The following AOPEP variants were observed in gnomAD, a reference collection of about 807,000 sequenced individuals.
The protein encoded by AOPEP is aminopeptidase O.
A neutral mutation model predicts 98.1 loss-of-function variants in AOPEP; 77 were observed. The ratio of observed to expected loss-of-function variants is 0.78; its 90% CI spans 0.65 to 0.95. AOPEP has a LOEUF of 0.95. Among genes scored for constraint, AOPEP ranks in the 40% least tolerant of loss-of-function variants. The pLI is 0.00. For synonymous variants in AOPEP, 346 were observed against 365.3 expected (o/e 0.95, Z 0.60); for missense variants, 1,024 against 1,024.7 (o/e 1.00, Z 0.01).
At chr9:94,842,455 T>G (rs994976288) in intron 5 of AOPEP, among the ~76,000 whole-genome samples, 1 of 152,212 alleles carries the variant, frequency 6.6e-6, no homozygotes, top group Non-Finnish European at 1.5e-5. Context: ...GATGGAGTTG[T>G]CTATCCAAGG....
chr9:94,748,904 A>G (rs1835091840), intron 1 of AOPEP, among the ~76,000 whole-genome samples: 1 of 152,190 alleles, frequency 6.6e-6, no homozygotes, highest in Non-Finnish European at 1.5e-5. Flanking sequence ...GTGATATTAA[A>G]CTTGATTAAA....
chr9:95,115,004 G>C, the AOPEP span, among the ~76,000 whole-genome samples: 8 of 152,146 alleles, frequency 5.3e-5, no homozygotes, highest in African/African-American at 1.9e-4. Context: ...GCAGTGGTAC[G>C]ATCCTGGTTC....
chr9:94,885,050 A>G (rs1019605437), intron 5 of AOPEP, among the ~76,000 whole-genome samples: 1 of 144,368 alleles, frequency 6.9e-6, no homozygotes, highest in African/African-American at 2.6e-5. Flanking sequence ...GCAAAGTGCT[A>G]TATTAACATT....
chr9:94,811,171 C>T (rs535768290), intron 5 of AOPEP, among the ~76,000 whole-genome samples: 7 of 152,306 alleles, frequency 4.6e-5, no homozygotes, highest in South Asian at 2.1e-4. Flanking sequence ...GAACTCAGAG[C>T]GGGGGAATGG....
intron 10 of AOPEP, among the ~76,000 whole-genome samples, chr9:94,969,751 A>G (rs1267208114): frequency 6.6e-6 from 1 of 152,208 alleles, no homozygotes; most frequent in Non-Finnish European, 1.5e-5. Context: ...CATTAAACGG[A>G]GGCATCTTGA....
intron 5 of AOPEP, among the ~76,000 whole-genome samples, chr9:94,858,409 A>C: frequency 6.6e-6 from 1 of 152,230 alleles, no homozygotes; most frequent in Non-Finnish European, 1.5e-5. Context: ...ATTCTGTCAC[A>C]GTTCTGGAGA....
intron 14 of AOPEP, among the ~76,000 whole-genome samples, chr9:95,073,455 AAAAG>A (rs1005140610): frequency 1.1e-4 from 17 of 149,426 alleles, no homozygotes; most frequent in African/African-American, 4.1e-4. Flanking sequence ...GCATTTTAAA[AAAAG>A]AAAGAAGAGG....
intron 5 of AOPEP, among the ~76,000 whole-genome samples, chr9:94,880,341 T>C (rs761955120): frequency 1.3e-4 from 20 of 151,958 alleles, no homozygotes; most frequent in Non-Finnish European, 1.8e-4. Context: ...ATTTGTCTTT[T>C]TTTTTCTTTT....
At chr9:94,781,547 GTT>G (rs10712686) in intron 3 of AOPEP, among the ~76,000 whole-genome samples, 7,011 of 142,778 alleles carry the variant, frequency 0.049, 505 homozygotes, top group African/African-American at 0.17. Flanking sequence ...TTTTTGTTTA[GTT>G]TTTTTTTTTT....
intron 5 of AOPEP, among the ~76,000 whole-genome samples, chr9:94,905,329 T>G (rs1481698045): frequency 6.6e-6 from 1 of 152,202 alleles, no homozygotes; most frequent in East Asian, 1.9e-4. Flanking sequence ...ATTGGCTTCT[T>G]TATGCTCCAC....
At chr9:94,990,669 G>A (rs952849057) in intron 11 of AOPEP, among the ~76,000 whole-genome samples, 2 of 151,970 alleles carry the variant, frequency 1.3e-5, no homozygotes, top group African/African-American at 4.8e-5. Context: ...CTGTCGCCCA[G>A]GCTGGAGTGC....
the AOPEP span, among the ~76,000 whole-genome samples, chr9:95,112,838 C>T: frequency 6.6e-6 from 1 of 152,230 alleles, no homozygotes; most frequent in Non-Finnish European, 1.5e-5. Flanking sequence ...AAGTGGGAGC[C>T]CCACGAGGTC....
chr9:94,928,135 C>T (rs1321781503), intron 6 of AOPEP, among the ~76,000 whole-genome samples: 4 of 152,196 alleles, frequency 2.6e-5, no homozygotes, highest in African/African-American at 9.6e-5. Flanking sequence ...GGGAAGCCCA[C>T]TCTCTCCAGA....
chr9:95,111,848 C>T, the AOPEP span, among the ~76,000 whole-genome samples: 2 of 152,282 alleles, frequency 1.3e-5, no homozygotes, highest in South Asian at 4.1e-4. Flanking sequence ...TCTCAGGACC[C>T]CCGTGAGGCC....
intron 13 of AOPEP, among the ~76,000 whole-genome samples, chr9:95,022,907 T>C (rs2063569512): frequency 1.3e-5 from 2 of 152,230 alleles, no homozygotes; most frequent in Admixed American, 1.3e-4. Context: ...TAGCTGATGC[T>C]GTGGGTCACC....
At chr9:94,809,928 T>C (rs73534154) in intron 5 of AOPEP, 1,705 of 156,086 alleles carry the variant, frequency 0.011, 29 homozygotes, top group African/African-American at 0.038. Flanking sequence ...GCAGTCTTGG[T>C]ATCTGGAAGG....
intron 1 of AOPEP, among the ~76,000 whole-genome samples, chr9:94,730,458 G>A (rs1830278263): frequency 6.6e-6 from 1 of 152,112 alleles, no homozygotes; most frequent in African/African-American, 2.4e-5. Flanking sequence ...CAGGCGTAGT[G>A]ACCATTGTTC....
chr9:95,137,080 T>C, the AOPEP span, among the ~76,000 whole-genome samples: 78 of 152,298 alleles, frequency 5.1e-4, 1 homozygote, highest in Non-Finnish European at 9.0e-4. Flanking sequence ...CTACTGCTAT[T>C]AATAAGGAAA....
At chr9:94,929,709 C>T (rs1043244421) in intron 7 of AOPEP, among the ~76,000 whole-genome samples, 3 of 152,256 alleles carry the variant, frequency 2.0e-5, no homozygotes, top group African/African-American at 7.2e-5. Flanking sequence ...CCAAAGTGAA[C>T]ATGGCCCCTG....
Sources: allele counts gnomAD v4.1 joint callset (sites outside exome capture counted in the v4.1 genomes callset), GRCh38; gene constraint gnomAD v4.1.1; transcripts MANE v1.5; gene names NCBI Gene and HGNC (gene_info 2026-07-23, HGNC 2026-07-21).